NRP1: variants seen among roughly 807,000 people sequenced by gnomAD.
NRP1 encodes neuropilin-1.
NRP1 carries 35 observed loss-of-function variants against 106.7 expected under a neutral mutation model. The ratio of observed to expected loss-of-function variants is 0.33; its 90% CI spans 0.25 to 0.43. NRP1 has a LOEUF of 0.43. NRP1 is among the 20% of genes least tolerant of loss of function. The pLI is 1.00. For missense variants in NRP1, 1,024 were observed against 1,170.4 expected, an observed-to-expected ratio of 0.87 and a Z score of 1.83; for synonymous variants, 437 against 417.9, an observed-to-expected ratio of 1.05 and a Z score of -0.56.
intron 6 of NRP1, 37 bp downstream of exon 6, chr10:33,253,991 A>G: frequency 6.4e-7 from 1 of 1,556,280 alleles, no homozygotes; most frequent in South Asian, 1.2e-5. Context: ...TCAAAAACTT[A>G]TTCAATCCTA....
In NRP1 at chr10:33,256,375, G is replaced by A. The variant is rs780290010; in HGVS notation, c.755C>T (p.Ala252Val). The change falls in exon 5 of 17, where the codon GCG becomes GTG. Residue 252 changes from alanine to valine, a missense_variant. Ala to Val is a moderately conservative substitution (Grantham distance 64, BLOSUM62 0). This residue lies in a region of NRP1 where 279 missense variants were observed against 327.4 expected (regional missense o/e 0.85). Transcript: ENST00000374867. The stretch of plus-strand genomic sequence containing the variant: ...TGCTGAGAAACCTTCTTTTGCTATC[G>A]CGCTGTCGGTGTAAAAAACCATGGA... Reference protein sequence around the residue: ...ILSMVFYTDSAIAKEGFSANY... With the variant: ...ILSMVFYTDSVIAKEGFSANY... 1.1e-5 allele frequency: 18 copies of A among 1,614,012 alleles called. No individual in the cohort carries two copies. The East Asian group carries it at 1.3e-4, about 12-fold the overall frequency.
At chr10:33,333,296 G>A (rs1848414845) in intron 1 of NRP1, among the ~76,000 whole-genome samples, 1 of 151,980 alleles carries the variant, frequency 6.6e-6, no homozygotes, top group Non-Finnish European at 1.5e-5. Flanking sequence ...AGCTGCTGAG[G>A]GAAATCCATT....
At chr10:33,324,522 C>T (rs753151589) in intron 2 of NRP1, among the ~76,000 whole-genome samples, 1 of 152,152 alleles carries the variant, frequency 6.6e-6, no homozygotes, top group African/African-American at 2.4e-5. Flanking sequence ...TCAGTAGCCA[C>T]TGAAAAAAAT....
intron 2 of NRP1, among the ~76,000 whole-genome samples, chr10:33,326,435 A>G (rs570988904): frequency 6.6e-6 from 1 of 152,236 alleles, no homozygotes; most frequent in Admixed American, 6.5e-5. Flanking sequence ...AGTGTGCAGG[A>G]TTTTGCTGGC....
intron 8 of NRP1, among the ~76,000 whole-genome samples, chr10:33,220,414 TA>T (rs1258607419): frequency 6.6e-6 from 1 of 152,240 alleles, no homozygotes; most frequent in Non-Finnish European, 1.5e-5. Context: ...TGCTTTTAAT[TA>T]CTTTTTAGTG....
At chr10:33,303,052 C>T (rs1845915697) in intron 2 of NRP1, among the ~76,000 whole-genome samples, 1 of 152,120 alleles carries the variant, frequency 6.6e-6, no homozygotes, top group African/African-American at 2.4e-5. Flanking sequence ...ATGAGCTAAC[C>T]AGTTCAGGCA....
intron 8 of NRP1, 21 bp from the exon 9 acceptor site, chr10:33,213,738 G>C (rs756235087): frequency 1.3e-6 from 2 of 1,529,188 alleles, no homozygotes; most frequent in Admixed American, 2.0e-5. Context: ...AAATGAAACA[G>C]ATAATGTAAA....
At chr10:33,300,199 C>T (rs1387019512) in intron 2 of NRP1, among the ~76,000 whole-genome samples, 2 of 152,176 alleles carry the variant, frequency 1.3e-5, no homozygotes, top group Non-Finnish European at 2.9e-5. Context: ...TTTCCAATCA[C>T]CAACGAGCTT....
chr10:33,323,279 T>C (rs536606450), intron 2 of NRP1, among the ~76,000 whole-genome samples: 1 of 151,832 alleles, frequency 6.6e-6, no homozygotes, highest in East Asian at 1.9e-4. Context: ...TCCCAAACAC[T>C]CTATGATTAT....
chr10:33,279,389 G>A (rs531070765), intron 2 of NRP1, among the ~76,000 whole-genome samples: 2 of 152,298 alleles, frequency 1.3e-5, no homozygotes, highest in East Asian at 3.9e-4. Flanking sequence ...CAGCTGCAGG[G>A]CTGAAGCCTC....
intron 6 of NRP1, among the ~76,000 whole-genome samples, chr10:33,228,265 G>A (rs938326185): frequency 2.6e-5 from 4 of 152,152 alleles, no homozygotes; most frequent in East Asian, 1.9e-4. Context: ...CCAACTACTC[G>A]GGAGGCTGAG....
chr10:33,317,203 C>T (rs1200097416), intron 2 of NRP1, among the ~76,000 whole-genome samples: 1 of 152,176 alleles, frequency 6.6e-6, no homozygotes, highest in Admixed American at 6.5e-5. Context: ...TGAAGAGTTG[C>T]AGATATAGTG....
chr10:33,204,794 T>G (rs959283203), intron 10 of NRP1, among the ~76,000 whole-genome samples: 3 of 152,156 alleles, frequency 2.0e-5, no homozygotes, highest in African/African-American at 7.2e-5. Flanking sequence ...TACAATGGCA[T>G]GATCTCAGCT....
intron 12 of NRP1, among the ~76,000 whole-genome samples, chr10:33,194,045 C>T (rs146315271): frequency 1.3e-5 from 2 of 152,056 alleles, no homozygotes; most frequent in East Asian, 1.9e-4. Flanking sequence ...GTAGTGTCAT[C>T]GGAGAGATAT....
At chr10:33,242,633 C>T (rs1231453007) in intron 6 of NRP1, among the ~76,000 whole-genome samples, 1 of 152,110 alleles carries the variant, frequency 6.6e-6, no homozygotes, top group Non-Finnish European at 1.5e-5. Context: ...GATTTTCTAA[C>T]TTCTTTTCAT....
chr10:33,219,710 A>T (rs796697458), intron 8 of NRP1, among the ~76,000 whole-genome samples: 9 of 152,108 alleles, frequency 5.9e-5, no homozygotes, highest in African/African-American at 2.2e-4. Flanking sequence ...GTTTAGGTAT[A>T]AAAAAAATTG....
In NRP1 at chr10:33,330,730, C is replaced by G; in HGVS notation, c.226G>C (p.Asp76His). The G allele has an allele frequency of 6.2e-7, 1 of 1,612,672 alleles. No homozygotes were observed. Among genetic ancestry groups the G allele is most frequent in the South Asian group, 1.1e-5 (1 of 90,864 alleles). Reference protein sequence around the residue: ...RIMINFNPHFDLEDRDCKYDY... With the variant: ...RIMINFNPHFHLEDRDCKYDY... ...TACTTGCAGTCTCTGTCCTCCAAAT[C>G]GAAGTGAGGGTTGAAGTTGATCATA... Residue 76 changes from aspartate (D) to histidine (H), a missense_variant, in exon 2 of 17, where the codon GAT becomes CAT. Around this residue, in one of 5 missense-constraint regions of NRP1, gnomAD observed 279 missense variants for 327.4 expected, o/e 0.85. Coordinates refer to ENST00000374867, the MANE Select transcript of NRP1 (RefSeq NM_003873.7).
At chr10:33,212,521 G>A (rs1838386045) in intron 9 of NRP1, 1 of 152,240 alleles carries the variant, frequency 6.6e-6, no homozygotes, top group South Asian at 2.1e-4. Flanking sequence ...AGGGGGACTG[G>A]GAGTTGTTGC....
chr10:33,251,813 C>T (rs1337071772), intron 6 of NRP1, among the ~76,000 whole-genome samples: 2 of 152,166 alleles, frequency 1.3e-5, no homozygotes, highest in South Asian at 2.1e-4. Context: ...TGAGAGCTCC[C>T]CACATTACCA....
Sources: allele counts gnomAD v4.1 joint callset (sites outside exome capture counted in the v4.1 genomes callset), GRCh38; gene constraint gnomAD v4.1.1; regional missense constraint gnomAD v4.1.1; transcripts MANE v1.5; gene names NCBI Gene and HGNC (gene_info 2026-07-23, HGNC 2026-07-21).